PLD1: variants seen among roughly 807,000 people sequenced by gnomAD.
PLD1 encodes phospholipase D1.
A neutral mutation model predicts 137.1 loss-of-function variants in PLD1; 112 were observed. The ratio of observed to expected loss-of-function variants is 0.82; its 90% CI spans 0.70 to 0.96. The LOEUF (loss-of-function observed/expected upper bound fraction) is 0.96, where lower values mean the gene tolerates loss of function less well. Among genes scored for constraint, PLD1 ranks in the 40% least tolerant of loss-of-function variants. The pLI, the probability that PLD1 is intolerant of heterozygous loss-of-function variation, is 0.00. For synonymous variants in PLD1, 431 were observed against 454.7 expected (o/e 0.95, Z 0.66); for missense variants, 1,321 against 1,342.0 (o/e 0.98, Z 0.24).
intron 1 of PLD1, among the ~76,000 whole-genome samples, chr3:171,752,304 G>GGT (rs965418322): frequency 2.0e-5 from 3 of 152,154 alleles, no homozygotes; most frequent in African/African-American, 7.2e-5. Context: ...TTAGAAGAGT[G>GGT]GTAACCTTTA....
intron 1 of PLD1, among the ~76,000 whole-genome samples, chr3:171,748,367 C>T (rs376401959): frequency 4.6e-5 from 7 of 152,248 alleles, no homozygotes; most frequent in African/African-American, 1.7e-4. Context: ...AAATTAACAT[C>T]CTTGGATGTT....
At chr3:171,689,432 T>A (rs2108513893) in intron 13 of PLD1, among the ~76,000 whole-genome samples, 1 of 152,016 alleles carries the variant, frequency 6.6e-6, no homozygotes, top group African/African-American at 2.4e-5. Context: ...TCATTTACCT[T>A]TAGGTAAAAA....
At chr3:171,628,496 C>A (rs1393157477) in intron 23 of PLD1, among the ~76,000 whole-genome samples, 1 of 152,172 alleles carries the variant, frequency 6.6e-6, no homozygotes, top group South Asian at 2.1e-4. Context: ...AGGGAATCCT[C>A]CCTAACTCAT....
At chr3:171,686,347 A>G (rs1037349574) in intron 16 of PLD1, among the ~76,000 whole-genome samples, 1 of 152,102 alleles carries the variant, frequency 6.6e-6, no homozygotes, top group African/African-American at 2.4e-5. Context: ...AATTACTTCC[A>G]GGCCTAACCC....
intron 1 of PLD1, among the ~76,000 whole-genome samples, chr3:171,741,546 ATTGATT>A (rs1165669533): frequency 6.6e-6 from 1 of 152,238 alleles, no homozygotes; most frequent in Admixed American, 6.5e-5. Context: ...AGATAATGCA[ATTGATT>A]TTGTTACCTC....
chr3:171,808,322 G>A (rs1723951556), intron 1 of PLD1, among the ~76,000 whole-genome samples: 2 of 152,026 alleles, frequency 1.3e-5, no homozygotes, highest in Non-Finnish European at 2.9e-5. Context: ...GGATCACGAG[G>A]TCAGGAAATC....
intron 21 of PLD1, among the ~76,000 whole-genome samples, chr3:171,646,537 G>A (rs9868868): frequency 0.078 from 11,883 of 151,992 alleles, 1,332 homozygotes; most frequent in African/African-American, 0.25. Context: ...GTAATGGCAT[G>A]GATTATTCAC....
chr3:171,661,067 C>A (rs1737628269), intron 20 of PLD1, among the ~76,000 whole-genome samples: 1 of 152,200 alleles, frequency 6.6e-6, no homozygotes, highest in Non-Finnish European at 1.5e-5. Flanking sequence ...AGAGTTCGCT[C>A]ATTTTCCACT....
chr3:171,741,966 G>A (rs1190655048), intron 1 of PLD1, among the ~76,000 whole-genome samples: 1 of 152,136 alleles, frequency 6.6e-6, no homozygotes, highest in East Asian at 1.9e-4. Flanking sequence ...CTACATGCCA[G>A]GTTTTGTACA....
rs778891060 is a variant in PLD1 at position 171,733,464 on chromosome 3, A to G, written c.586T>C (p.Tyr196His). 3.7e-6 allele frequency: 5 copies of G among 1,345,826 alleles called. No homozygotes were observed. In the South Asian group the frequency reaches 6.0e-5, roughly 16 times the overall value. 83.4% of individuals were successfully genotyped at this position (1,345,826 alleles called of 1,614,324 possible). The change falls in exon 6 of 27, where the codon TAT becomes CAT. Residue 196 changes from tyrosine to histidine, a missense_variant. Tyr to His is a moderately conservative substitution (Grantham distance 83). Transcript: ENST00000351298. ...CTTACTGTGGCATGATAGTTTCTAT[A>G]CATGGGCATTTTTAGTATCTTTGTC... ...YLTKILKMPM[Y>H]RNYHATTEFL...
At chr3:171,622,182 TA>T (rs1247571471) in intron 23 of PLD1, among the ~76,000 whole-genome samples, 5 of 152,178 alleles carry the variant, frequency 3.3e-5, no homozygotes, top group African/African-American at 4.8e-5. Context: ...CTAAAGTAAA[TA>T]TTTTTTTACA....
intron 1 of PLD1, chr3:171,792,359 C>G (rs1055402110): frequency 2.0e-5 from 7 of 347,076 alleles, no homozygotes; most frequent in Admixed American, 3.9e-5. Flanking sequence ...CTTATCTATT[C>G]CACCTTATTT....
At position 171,674,571 on chromosome 3, in the gene PLD1, G is replaced by A. The variant is rs1251439223; in HGVS notation, c.2158C>T (p.Leu720Phe). 1.3e-5 allele frequency: 21 copies of A among 1,609,136 alleles called. No homozygotes were observed. Among genetic ancestry groups the A allele is most frequent in the Non-Finnish European group, 1.8e-5 (21 of 1,175,808 alleles). Residue 720 changes from leucine to phenylalanine, a missense_variant, in exon 19 of 27, where the codon CTT becomes TTT. Transcript: ENST00000351298. ...KYRSLSYPFL[L>F]PKSQTTAHEL... ...TGGGCTGTTGTTTGAGACTTTGGAA[G>A]CAGAAAAGGATAAGAAAGGGACCGA...
intron 6 of PLD1, among the ~76,000 whole-genome samples, chr3:171,733,003 G>A (rs1719064271): frequency 6.6e-6 from 1 of 152,132 alleles, no homozygotes; most frequent in African/African-American, 2.4e-5. Flanking sequence ...GCCTTTAACA[G>A]GCATGACAAA....
intron 1 of PLD1, among the ~76,000 whole-genome samples, chr3:171,803,658 G>C (rs545777863): frequency 6.6e-6 from 1 of 152,286 alleles, no homozygotes; most frequent in East Asian, 1.9e-4. Flanking sequence ...GCTTGGACCT[G>C]GGAGGCGGAA....
At chr3:171,777,538 A>T (rs992796134) in intron 1 of PLD1, among the ~76,000 whole-genome samples, 1 of 152,144 alleles carries the variant, frequency 6.6e-6, no homozygotes. Flanking sequence ...ACCTGAAGCC[A>T]TTTTCTCTAG....
At chr3:171,677,752 A>G (rs532349779) in intron 16 of PLD1, 58 bp from the exon 17 acceptor site, 2 of 1,544,010 alleles carry the variant, frequency 1.3e-6, no homozygotes, top group South Asian at 1.2e-5. Context: ...CCAGAAAGGG[A>G]GGCTCAACTC....
At chr3:171,679,549 C>T (rs1016622872) in intron 16 of PLD1, among the ~76,000 whole-genome samples, 2 of 152,126 alleles carry the variant, frequency 1.3e-5, no homozygotes, top group Non-Finnish European at 2.9e-5. Flanking sequence ...ATATAAAATA[C>T]ACATATACAA....
chr3:171,713,232 G>A (rs571049257), intron 9 of PLD1, among the ~76,000 whole-genome samples: 49 of 152,234 alleles, frequency 3.2e-4, no homozygotes, highest in Non-Finnish European at 5.1e-4. Flanking sequence ...GGCCGAGGCA[G>A]ACAGATCACT....
Sources: gnomAD v4.1 joint callset for allele counts (sites outside exome capture counted in the v4.1 genomes callset) on GRCh38, gnomAD v4.1.1 for gene constraint, MANE v1.5 for transcripts, NCBI Gene and HGNC (gene_info 2026-07-23, HGNC 2026-07-21) for gene names.